DERA: variants seen among roughly 807,000 people sequenced by gnomAD.
DERA encodes the protein deoxyribose-phosphate aldolase, also known as 2-deoxy-D-ribose 5-phosphate aldolase.
DERA carries 15 observed loss-of-function variants against 41.1 expected under a neutral mutation model. The ratio of observed to expected loss-of-function variants is 0.37; its 90% CI spans 0.24 to 0.56. The LOEUF (loss-of-function observed/expected upper bound fraction) is 0.56. DERA is among the 20% of genes least tolerant of loss of function. DERA has a pLI of 0.81. For synonymous variants in DERA, 139 were observed against 137.4 expected (o/e 1.01, Z -0.08); for missense variants, 396 against 403.4 (o/e 0.98, Z 0.16).
rs1948820561 is a variant in DERA, at chr12:15,994,097, A to G, written c.637+11661A>G. 6.6e-6 allele frequency among the ~76,000 whole-genome samples: 1 copy of G among 152,378 alleles called. No homozygotes were observed. Among genetic ancestry groups the G allele is most frequent in the Admixed American group, 6.5e-5 (1 of 15,310 alleles). On this transcript the variant is annotated intron_variant, in intron 6 of 8. Coordinates refer to ENST00000428559, the MANE Select transcript of DERA (RefSeq NM_015954.4). This position sits in a 1 kb window ranked among gnomAD's most constrained non-coding sequence, Gnocchi z 4.8. ...GTAGCCCAACATATTCCAAAATCAC[A>G]GAACTGCTTCTTGCAGACCTAACTT... is the stretch of plus-strand genomic sequence containing the variant.
chr12:16,030,300 A>C (rs1412872853), intron 6 of DERA, among the ~76,000 whole-genome samples: 2 of 152,094 alleles, frequency 1.3e-5, no homozygotes, highest in Admixed American at 6.5e-5. Flanking sequence ...GATATCCATT[A>C]TTATACCCAA....
In DERA at chr12:16,004,343, A is replaced by G. The variant is rs948748989; in HGVS notation, c.637+21907A>G. 6.6e-6 allele frequency among the ~76,000 whole-genome samples: 1 copy of G among 150,648 alleles called. No individual in the cohort carries two copies. Among genetic ancestry groups the G allele is most frequent in the African/African-American group, 2.5e-5 (1 of 40,002 alleles). ...GACCCTACATAAAGCAAAAGGAACC[A>G]CTGCAGAAAAGAAAAGAAAAACCCA... On this transcript the variant is annotated intron_variant, in intron 6 of 8. Coordinates refer to ENST00000428559, the MANE Select transcript of DERA (RefSeq NM_015954.4). The surrounding 1 kb of genome is among the most constrained non-coding windows in gnomAD (Gnocchi z 4.2).
Position 16,036,809 on chromosome 12 carries a change from T to C in DERA, c.*63T>C. On this transcript the variant is annotated 3_prime_UTR_variant, in exon 9 of 9. Transcript: ENST00000428559. The surrounding 1 kb of genome is among the most constrained non-coding windows in gnomAD (Gnocchi z 4.9). ...GTTTAAAAATTATTTTTCTACGTAA[T>C]TGCTAAAATTATTTAATTAAAAAAT... 3 of 1,237,042 alleles carry C rather than the reference T, an allele frequency of 2.4e-6. No individual in the cohort carries two copies. The highest frequency in any genetic ancestry group is 3.4e-6 in the Non-Finnish European group (3 of 872,714). 76.6% of individuals were successfully genotyped at this position (1,237,042 alleles called of 1,614,324 possible). A position where few individuals can be genotyped will look rare whatever the true frequency, so the allele number is the denominator to read the frequency against.
At position 15,976,805 on chromosome 12, in the gene DERA, G is replaced by GGAGAAAAATGAAGCTTGGAGAGGTTCA. The variant is rs1211032762; in HGVS notation, c.509-5501_509-5475dup. Among the ~76,000 whole-genome samples, 2 of 151,960 alleles carry GGAGAAAAATGAAGCTTGGAGAGGTTCA rather than the reference G, an allele frequency of 1.3e-5. No homozygotes were observed. The highest frequency in any genetic ancestry group is 4.8e-5 in the African/African-American group (2 of 41,260). ...ATAAAGCTCTCCTATCTAATCTTGAGGAGAAAAATGAAGCTTGGAGAGGTT... is the reference window on the plus strand; with the variant it reads ...ATAAAGCTCTCCTATCTAATCTTGAGGAGAAAAATGAAGCTTGGAGAGGTTCAGAGAAAAATGAAGCTTGGAGAGGTT... On this transcript the variant is annotated intron_variant, in intron 5 of 8. Transcript: ENST00000428559. This position sits in a 1 kb window ranked among gnomAD's most constrained non-coding sequence, Gnocchi z 4.1.
At chr12:16,031,829 C>G (rs1191389427) in intron 6 of DERA, among the ~76,000 whole-genome samples, 2 of 152,112 alleles carry the variant, frequency 1.3e-5, no homozygotes, top group African/African-American at 4.8e-5. Flanking sequence ...GTAGCTCATG[C>G]AGGTATTGAC....
At chr12:15,932,035 T>A (rs1005567652) in intron 1 of DERA, among the ~76,000 whole-genome samples, 2 of 152,182 alleles carry the variant, frequency 1.3e-5, no homozygotes, top group African/African-American at 4.8e-5. Context: ...GTAAGCCAAA[T>A]AAACCCCTTT....
chr12:15,952,501 G>A (rs2136143816), intron 1 of DERA, among the ~76,000 whole-genome samples: 1 of 152,028 alleles, frequency 6.6e-6, no homozygotes, highest in South Asian at 2.1e-4. Flanking sequence ...TGTGAGACAT[G>A]GAGTCATTTT....
rs1948736063 is a variant in DERA, at chr12:15,982,047, T to C, written c.509-261T>C. ...ATTATTTATAATTTGCATGTCATTATGATATTTAAAAAGCTCTATGTCTCT... is the reference window on the plus strand; with the variant it reads ...ATTATTTATAATTTGCATGTCATTACGATATTTAAAAAGCTCTATGTCTCT... On this transcript the variant is annotated intron_variant, in intron 5 of 8. Coordinates refer to ENST00000428559, the MANE Select transcript of DERA (RefSeq NM_015954.4). This position sits in a 1 kb window ranked among gnomAD's most constrained non-coding sequence, Gnocchi z 4.0. Among the ~76,000 whole-genome samples, 1 of 152,234 alleles carries C rather than the reference T, an allele frequency of 6.6e-6. No individual in the cohort carries two copies. Among genetic ancestry groups the C allele is most frequent in the African/African-American group, 2.4e-5 (1 of 41,462 alleles).
chr12:15,994,581 A>G lies in DERA; in HGVS notation c.637+12145A>G, dbSNP rs1161154448. Among the ~76,000 whole-genome samples the G allele has an allele frequency of 6.6e-6, 1 of 152,116 alleles. No homozygotes were observed. Among genetic ancestry groups the G allele is most frequent in the Non-Finnish European group, 1.5e-5 (1 of 68,004 alleles). On this transcript the variant is annotated intron_variant, in intron 6 of 8. Transcript: ENST00000428559. The surrounding 1 kb of genome is among the most constrained non-coding windows in gnomAD (Gnocchi z 4.8). ...CCATTCTCCTGCCTCAGCCTCCTGA[A>G]TAGCTGGGACTACAGGCGCCTGCAA...
intron 7 of DERA, among the ~76,000 whole-genome samples, chr12:16,033,581 T>TTGTGTGTGTGTGTGTGTG (rs146182174): frequency 2.3e-5 from 3 of 127,660 alleles, no homozygotes; most frequent in Non-Finnish European, 4.9e-5. Flanking sequence ...GAGAGCAAGG[T>TTGTGTGTGTGTGTGTGTG]TGTGTGTGTG....
intron 1 of DERA, among the ~76,000 whole-genome samples, chr12:15,919,542 T>C (rs1487057221): frequency 2.0e-5 from 3 of 152,192 alleles, no homozygotes; most frequent in African/African-American, 7.2e-5. Flanking sequence ...CACTTTGAAA[T>C]TTTTCAGTTA....
At chr12:15,951,722 A>G (rs1409545690) in intron 1 of DERA, among the ~76,000 whole-genome samples, 1 of 152,182 alleles carries the variant, frequency 6.6e-6, no homozygotes, top group African/African-American at 2.4e-5. Context: ...ACTTCTATCA[A>G]TTTGGCATAT....
In DERA at chr12:15,942,652, G is replaced by A. The variant is rs117528490; in HGVS notation, c.32-14284G>A. Among the ~76,000 whole-genome samples the A allele has an allele frequency of 3.4e-3, 513 of 152,294 alleles. 2 individuals carry two copies. Among genetic ancestry groups the A allele is most frequent in the Non-Finnish European group, 5.1e-3 (344 of 68,024 alleles). ...ATTCTGAGTACCCTCAGTAATCAGT[G>A]AATGCCTGGCATGCTGGGAGTGTTA... On this transcript the variant is annotated intron_variant, in intron 1 of 8. Coordinates refer to ENST00000428559, the MANE Select transcript of DERA (RefSeq NM_015954.4).
chr12:16,024,316 A>G (rs1222359506), intron 6 of DERA, among the ~76,000 whole-genome samples: 1 of 152,244 alleles, frequency 6.6e-6, no homozygotes, highest in Non-Finnish European at 1.5e-5. Flanking sequence ...AACACCAAGT[A>G]GGACAAGTAT....
At chr12:15,923,209 A>G (rs1948257940) in intron 1 of DERA, among the ~76,000 whole-genome samples, 1 of 150,458 alleles carries the variant, frequency 6.6e-6, no homozygotes, top group Admixed American at 6.6e-5. Flanking sequence ...TTTTTAGTAG[A>G]GACGGGGTTT....
Position 15,959,710 on chromosome 12 carries a change from G to T in DERA, c.278-119G>T. Reference sequence around the variant, plus strand: ...TCTTTTAATTTATTGCAGTATTGTGGGGGAATTATTTTTTTCTCATTTGAT... The same window carrying T: ...TCTTTTAATTTATTGCAGTATTGTGTGGGAATTATTTTTTTCTCATTTGAT... On this transcript the variant is annotated intron_variant, in intron 3 of 8. Transcript: ENST00000428559. This position sits in a 1 kb window ranked among gnomAD's most constrained non-coding sequence, Gnocchi z 4.5. 1.6e-6 allele frequency: 1 copy of T among 609,598 alleles called. No individual in the cohort carries two copies. Among genetic ancestry groups the T allele is most frequent in the Non-Finnish European group, 2.9e-6 (1 of 344,040 alleles). 37.8% of individuals were successfully genotyped at this position (609,598 alleles called of 1,614,324 possible).
In DERA at chr12:16,014,209, G is replaced by A. The variant is rs1351842956; in HGVS notation, c.638-18333G>A. Among the ~76,000 whole-genome samples, 1 of 152,178 alleles carries A rather than the reference G, an allele frequency of 6.6e-6. No individual in the cohort carries two copies. Among genetic ancestry groups the A allele is most frequent in the Non-Finnish European group, 1.5e-5 (1 of 68,022 alleles). On this transcript the variant is annotated intron_variant, in intron 6 of 8. Transcript: ENST00000428559. This position sits in a 1 kb window ranked among gnomAD's most constrained non-coding sequence, Gnocchi z 5.4. ...AAATTCAAGCCAGATGCAGAAATTT[G>A]CATAAGTAACGAGGAGCCAAATGTT... is the stretch of plus-strand genomic sequence containing the variant.
In DERA at chr12:16,035,931, G is replaced by A. The variant is rs1406065847; in HGVS notation, c.751-301G>A. Among the ~76,000 whole-genome samples, 1 of 152,190 alleles carries A rather than the reference G, an allele frequency of 6.6e-6. No individual in the cohort carries two copies. The highest frequency in any genetic ancestry group is 1.5e-5 in the Non-Finnish European group (1 of 68,034). On this transcript the variant is annotated intron_variant, in intron 7 of 8. Transcript: ENST00000428559. The surrounding 1 kb of genome is among the most constrained non-coding windows in gnomAD (Gnocchi z 4.1). ...CTTCCTTGTTTATTCCAGGTTCACA[G>A]CTATAGTCTAGATGGTGGAGGTTTA...
rs953029949 is a variant in DERA at position 16,035,967 on chromosome 12, A to G, written c.751-265A>G. On this transcript the variant is annotated intron_variant, in intron 7 of 8. Coordinates refer to ENST00000428559, the MANE Select transcript of DERA (RefSeq NM_015954.4). The surrounding 1 kb of genome is among the most constrained non-coding windows in gnomAD (Gnocchi z 4.1). The stretch of plus-strand genomic sequence containing the variant: ...GATGGTGGAGGTTTATGACTTTCCA[A>G]TAAGTGAAATGTTAATGAGGGTTAT... Among the ~76,000 whole-genome samples, 1 of 152,182 alleles carries G rather than the reference A, an allele frequency of 6.6e-6. No individual in the cohort carries two copies. The highest frequency in any genetic ancestry group is 1.5e-5 in the Non-Finnish European group (1 of 68,030).
Sources: gnomAD v4.1 joint callset for allele counts (sites outside exome capture counted in the v4.1 genomes callset) on GRCh38, gnomAD v4.1.1 for gene constraint, Gnocchi (gnomAD v3.1) non-coding constraint, MANE v1.5 for transcripts, NCBI Gene and HGNC (gene_info 2026-07-23, HGNC 2026-07-21) for gene names.